The following KLHL25 variants were observed in gnomAD, a reference collection of about 807,000 sequenced individuals.
The protein encoded by KLHL25 is kelch-like protein 25.
Under a neutral mutation model 30.0 loss-of-function variants are expected in KLHL25, and 41 were observed. That is an observed-to-expected ratio of 1.37 (90% confidence interval 1.07 to 1.78). The LOEUF is 1.78. Ranked by LOEUF, KLHL25 falls within the 40% of genes most tolerant of loss-of-function variation. The pLI is 0.00. For synonymous variants in KLHL25, 399 were observed against 355.3 expected (o/e 1.12, Z -1.38); for missense variants, 971 against 824.5 (o/e 1.18, Z -2.18).
chr15:85,769,715 C>T lies in KLHL25; in HGVS notation c.96G>A (p.Val32=). 6.2e-7 allele frequency: 1 copy of T among 1,613,968 alleles called. No homozygotes were observed. Among genetic ancestry groups the T allele is most frequent in the Non-Finnish European group, 8.5e-7 (1 of 1,180,050 alleles). The change falls in exon 2 of 3, where the codon GTG becomes GTA. Residue 32 remains valine (V), a synonymous_variant. Transcript: ENST00000337975. ...LFHKASHPDC[V]LAHLNTLRKH... ...TGCGAAGCGTGTTGAGGTGGGCCAGCACACAGTCCGGGTGGGAGGCCTTGT... is the reference window on the plus strand; with the variant it reads ...TGCGAAGCGTGTTGAGGTGGGCCAGTACACAGTCCGGGTGGGAGGCCTTGT...
chr15:85,771,574 C>T lies in KLHL25; in HGVS notation c.-10-1754G>A, dbSNP rs186366466. Among the ~76,000 whole-genome samples, 4 of 152,380 alleles carry T rather than the reference C, an allele frequency of 2.6e-5. No individual in the cohort carries two copies. In the East Asian group the frequency reaches 5.8e-4, roughly 22 times the overall value. On this transcript the variant is annotated intron_variant, in intron 1 of 2. Transcript: ENST00000337975. ...AGCTAGCAAGGTCCCTGCTTTTGGG[C>T]TTAGGCAGAGAGGGCACAGGGCCAG...
chr15:85,765,791 C>T (rs1309055197), intron 2 of KLHL25, among the ~76,000 whole-genome samples: 2 of 147,048 alleles, frequency 1.4e-5, no homozygotes, highest in Non-Finnish European at 3.0e-5. Context: ...GAGATCGTAC[C>T]CTGCACTCTA....
rs1215464045 is a variant in KLHL25, at chr15:85,789,104, G to C, written c.-11+5662C>G. Reference sequence around the variant, plus strand: ...GGATCTGTGGTCAGCCTCTCCTTGGGGGCCCAATGGGAACAGGCAAAAAAT... The same window carrying C: ...GGATCTGTGGTCAGCCTCTCCTTGGCGGCCCAATGGGAACAGGCAAAAAAT... On this transcript the variant is annotated intron_variant, in intron 1 of 2. Transcript: ENST00000337975. The surrounding 1 kb of genome is among the most constrained non-coding windows in gnomAD (Gnocchi z 4.1). Among the ~76,000 whole-genome samples, 1 of 152,178 alleles carries C rather than the reference G, an allele frequency of 6.6e-6. No individual in the cohort carries two copies. Among genetic ancestry groups the C allele is most frequent in the Non-Finnish European group, 1.5e-5 (1 of 68,036 alleles).
intron 1 of KLHL25, among the ~76,000 whole-genome samples, chr15:85,776,503 G>C (rs1421970425): frequency 1.3e-5 from 2 of 151,412 alleles, no homozygotes; most frequent in Non-Finnish European, 2.9e-5. Context: ...TCAATCAATA[G>C]CAAAAAAAAC....
rs1597282652 is a variant in KLHL25, at chr15:85,789,630, C to T, written c.-11+5136G>A. Among the ~76,000 whole-genome samples the T allele has an allele frequency of 6.6e-6, 1 of 152,310 alleles. No homozygotes were observed. Among genetic ancestry groups the T allele is most frequent in the East Asian group, 1.9e-4 (1 of 5,188 alleles). On this transcript the variant is annotated intron_variant, in intron 1 of 2. Coordinates refer to ENST00000337975, the MANE Select transcript of KLHL25 (RefSeq NM_022480.4). This position sits in a 1 kb window ranked among gnomAD's most constrained non-coding sequence, Gnocchi z 4.1. ...TGGCCCTGGCTCTGTGCCCAAGGGA[C>T]ATCCCACCAGGGAAGTCTCACCCTA... is the stretch of plus-strand genomic sequence containing the variant.
At chr15:85,765,900 G>A (rs554738810) in intron 2 of KLHL25, among the ~76,000 whole-genome samples, 2 of 152,120 alleles carry the variant, frequency 1.3e-5, no homozygotes, top group Non-Finnish European at 2.9e-5. Context: ...ATTCAGGCTG[G>A]CCTCTGTGAG....
chr15:85,788,701 CCTGA>C (rs1178345883), intron 1 of KLHL25, among the ~76,000 whole-genome samples: 15 of 152,312 alleles, frequency 9.8e-5, no homozygotes, highest in Non-Finnish European at 4.4e-5. Context: ...GCTCTTTGAA[CCTGA>C]CTTTCTTTCC....
chr15:85,774,813 C>T (rs1398943315), intron 1 of KLHL25, among the ~76,000 whole-genome samples: 2 of 152,028 alleles, frequency 1.3e-5, no homozygotes, highest in Admixed American at 6.5e-5. Context: ...CAAGCCAATC[C>T]GTATGGCCCC....
At chr15:85,792,288 T>G (rs1469779739) in intron 1 of KLHL25, among the ~76,000 whole-genome samples, 1 of 152,184 alleles carries the variant, frequency 6.6e-6, no homozygotes, top group Non-Finnish European at 1.5e-5. Context: ...TTGTTCCAAC[T>G]AAGTGTTTCC....
chr15:85,783,346 G>T (rs191080170), intron 1 of KLHL25, among the ~76,000 whole-genome samples: 2,342 of 151,688 alleles, frequency 0.015, 27 homozygotes, highest in Middle Eastern at 0.041. Flanking sequence ...CACCTGCCTT[G>T]GCCTCCCAAA....
chr15:85,780,930 T>C (rs1375994924), intron 1 of KLHL25, among the ~76,000 whole-genome samples: 2 of 152,146 alleles, frequency 1.3e-5, no homozygotes, highest in East Asian at 1.9e-4. Flanking sequence ...CACCGCAGCA[T>C]GGTTACAAAA....
chr15:85,774,089 G>C (rs1357597910), intron 1 of KLHL25, among the ~76,000 whole-genome samples: 2 of 152,176 alleles, frequency 1.3e-5, no homozygotes, highest in African/African-American at 4.8e-5. Context: ...GCCCAAGCCA[G>C]AGGCTCCCAG....
chr15:85,786,103 C>T (rs1312882458), intron 1 of KLHL25, among the ~76,000 whole-genome samples: 4 of 152,220 alleles, frequency 2.6e-5, no homozygotes, highest in African/African-American at 9.7e-5. Flanking sequence ...GGCCCCTCCC[C>T]TTTCCCTTCT....
chr15:85,779,895 G>A (rs1182609988), intron 1 of KLHL25, among the ~76,000 whole-genome samples: 1 of 152,202 alleles, frequency 6.6e-6, no homozygotes, highest in Non-Finnish European at 1.5e-5. Context: ...AAAAACTAAT[G>A]CCTTTTGCTT....
Position 85,768,354 on chromosome 15 carries a change from G to T in KLHL25, c.1457C>A (p.Ala486Asp). 6.2e-7 allele frequency: 1 copy of T among 1,613,748 alleles called. No individual in the cohort carries two copies. The highest frequency in any genetic ancestry group is 8.5e-7 in the Non-Finnish European group (1 of 1,180,022). The change falls in exon 2 of 3, where the codon GCC (alanine) becomes GAC (aspartate). Residue 486 changes from alanine to aspartate, a missense_variant. Ala to Asp is a moderately radical substitution (Grantham distance 126, BLOSUM62 -2). Coordinates refer to ENST00000337975, the MANE Select transcript of KLHL25 (RefSeq NM_022480.4). ...GATCTGGCTGCCCAGGACGGCAGCGGCTGTGTACCGCCAAGGCTGGGGGCA... is the reference window on the plus strand; with the variant it reads ...GATCTGGCTGCCCAGGACGGCAGCGTCTGTGTACCGCCAAGGCTGGGGGCA... ...AECPQPWRYT[A>D]AAVLGSQIFI...
At chr15:85,770,146 T>A (rs2089661514) in intron 1 of KLHL25, among the ~76,000 whole-genome samples, 1 of 152,240 alleles carries the variant, frequency 6.6e-6, no homozygotes, top group South Asian at 2.1e-4. Context: ...GCAAACGGTG[T>A]TCCTGACTGA....
chr15:85,776,065 C>G (rs535736319), intron 1 of KLHL25, among the ~76,000 whole-genome samples: 1 of 149,786 alleles, frequency 6.7e-6, no homozygotes, highest in East Asian at 2.0e-4. Context: ...CCCAGCTACT[C>G]GGGAGGTTAT....
Position 85,768,614 on chromosome 15 carries a change from C to A in KLHL25, c.1197G>T (p.Leu399=). 2 of 1,611,900 alleles carry A rather than the reference C, an allele frequency of 1.2e-6. No individual in the cohort carries two copies. Among genetic ancestry groups the A allele is most frequent in the South Asian group, 1.1e-5 (1 of 90,966 alleles). The change falls in exon 2 of 3, where the codon CTG becomes CTT. Residue 399 remains leucine, a synonymous_variant. Coordinates refer to ENST00000337975, the MANE Select transcript of KLHL25 (RefSeq NM_022480.4). ...CLYVVGGHTS[L]AGVFPASPSV... ...AAGGCGAGGCCGGGAAGACCCCTGCCAGGGATGTGTGTCCCCCCACCACAT... is the reference window on the plus strand; with the variant it reads ...AAGGCGAGGCCGGGAAGACCCCTGCAAGGGATGTGTGTCCCCCCACCACAT...
At chr15:85,794,162 T>G (rs2089835554) in intron 1 of KLHL25, among the ~76,000 whole-genome samples, 1 of 152,170 alleles carries the variant, frequency 6.6e-6, no homozygotes, top group African/African-American at 2.4e-5. Flanking sequence ...GCCACCCAGG[T>G]GGACAGGTGG....
Sources: gnomAD v4.1 joint callset for allele counts (sites outside exome capture counted in the v4.1 genomes callset) on GRCh38, gnomAD v4.1.1 for gene constraint, Gnocchi (gnomAD v3.1) non-coding constraint, MANE v1.5 for transcripts, NCBI Gene and HGNC (gene_info 2026-07-23, HGNC 2026-07-21) for gene names.